The following CEP112 variants were observed in gnomAD, a reference collection of about 807,000 sequenced individuals.
The protein encoded by CEP112 is centrosomal protein 112, also known as centrosomal protein of 112 kDa.
A neutral mutation model predicts 153.0 loss-of-function variants in CEP112; 127 were observed. The ratio of observed to expected loss-of-function variants is 0.83; its 90% confidence interval spans 0.72 to 0.96. The LOEUF (loss-of-function observed/expected upper bound fraction) is 0.96, where lower values mean the gene tolerates loss of function less well. CEP112 is among the 40% of genes least tolerant of loss of function. The pLI is 0.00. For missense variants in CEP112, 1,089 were observed against 1,101.2 expected (o/e 0.99, Z 0.16); for synonymous variants, 358 against 374.4 (o/e 0.96, Z 0.51).
chr17:65,946,327 A>G (rs1303512013), intron 18 of CEP112, among the ~76,000 whole-genome samples: 1 of 152,190 alleles, frequency 6.6e-6, no homozygotes, highest in African/African-American at 2.4e-5. Flanking sequence ...TATATTTACA[A>G]TCCTTTTGGA....
At chr17:65,829,764 AAAAAG>A (rs1000611832) in intron 21 of CEP112, among the ~76,000 whole-genome samples, 1 of 152,236 alleles carries the variant, frequency 6.6e-6, no homozygotes, top group Admixed American at 6.5e-5. Context: ...CAGAAAACAA[AAAAAG>A]AAAAGGTACA....
intron 6 of CEP112, among the ~76,000 whole-genome samples, chr17:66,126,016 A>T (rs1360302038): frequency 6.6e-6 from 1 of 152,222 alleles, no homozygotes; most frequent in East Asian, 1.9e-4. Flanking sequence ...TCAGCAAGCT[A>T]ATTTTTCCCA....
chr17:65,928,553 G>A lies in CEP112; in HGVS notation c.1873-864C>T, dbSNP rs555243863. ...CAGTTGATAAATGAATAAACAAAAC[G>A]TGGTATATTCTTACAGTAGAATATT... On this transcript the variant is annotated intron_variant, in intron 18 of 26. Transcript: ENST00000535342. 7.2e-5 allele frequency among the ~76,000 whole-genome samples: 11 copies of A among 152,246 alleles called. No homozygotes were observed. In the East Asian group the frequency reaches 1.2e-3, roughly 16 times the overall value.
chr17:65,744,223 T>G (rs1012101689), intron 22 of CEP112, among the ~76,000 whole-genome samples: 1 of 147,046 alleles, frequency 6.8e-6, no homozygotes, highest in African/African-American at 2.5e-5. Flanking sequence ...ACTTTATGGG[T>G]TTTTTTGTGT....
intron 8 of CEP112, among the ~76,000 whole-genome samples, chr17:66,077,962 G>A (rs2067564933): frequency 6.6e-6 from 1 of 152,186 alleles, no homozygotes; most frequent in African/African-American, 2.4e-5. Flanking sequence ...ATGTCTAGAA[G>A]GGATTTTCCA....
At chr17:66,027,317 C>A (rs978832813) in intron 16 of CEP112, among the ~76,000 whole-genome samples, 184 bp downstream of exon 16, 1 of 151,932 alleles carries the variant, frequency 6.6e-6, no homozygotes, top group Non-Finnish European at 1.5e-5. Context: ...GCAGAAGCTA[C>A]AGTGAGCCGA....
chr17:66,176,881 A>G lies in CEP112; in HGVS notation c.246T>C (p.Pro82=). The change falls in exon 3 of 27, where the codon CCT becomes CCC. Residue 82 remains proline, a synonymous_variant. Coordinates refer to ENST00000535342, the MANE Select transcript of CEP112 (RefSeq NM_001199165.4). ...TCCCGGGTTCAGGTCGGTGTGTAAA[A>G]GGGCCTTCAAGCGCACCTCGTTTAA... is the stretch of plus-strand genomic sequence containing the variant. ...HMLKRGALEG[P]FTHRPEPGTL... 6.2e-7 allele frequency: 1 copy of G among 1,613,582 alleles called. No homozygotes were observed. The highest frequency in any genetic ancestry group is 8.5e-7 in the Non-Finnish European group (1 of 1,179,794).
chr17:65,675,007 T>A (rs990024512), intron 24 of CEP112, among the ~76,000 whole-genome samples: 1 of 152,124 alleles, frequency 6.6e-6, no homozygotes, highest in African/African-American at 2.4e-5. Flanking sequence ...AAGAACTAAG[T>A]AGAAAGTCTA....
chr17:65,797,942 C>T (rs143400517), intron 21 of CEP112, among the ~76,000 whole-genome samples: 13 of 152,224 alleles, frequency 8.5e-5, no homozygotes, highest in Admixed American at 6.5e-4. Flanking sequence ...AGGCTGCACA[C>T]GCATGCGAGG....
chr17:66,164,717 G>C (rs373793209), intron 4 of CEP112, among the ~76,000 whole-genome samples: 1 of 151,754 alleles, frequency 6.6e-6, no homozygotes, highest in Admixed American at 6.6e-5. Flanking sequence ...TTAGTTGGGC[G>C]TGGTGGCAGG....
rs115046509 is a variant in CEP112 at position 66,167,691 on chromosome 17, G to T, written c.470+7353C>A. ...CTGCATAAAGTACTTATGCCTATAT[G>T]ATACACTAGAAAGAACATGGGTGTG... On this transcript the variant is annotated intron_variant, in intron 4 of 26. Coordinates refer to ENST00000535342, the MANE Select transcript of CEP112 (RefSeq NM_001199165.4). Among the ~76,000 whole-genome samples, 140 of 152,288 alleles carry T rather than the reference G, an allele frequency of 9.2e-4. 1 individual carries two copies. The highest frequency in any genetic ancestry group is 3.2e-3 in the African/African-American group (134 of 41,564).
At chr17:65,820,050 T>C (rs894597156) in intron 21 of CEP112, among the ~76,000 whole-genome samples, 1 of 152,066 alleles carries the variant, frequency 6.6e-6, no homozygotes, top group African/African-American at 2.4e-5. Context: ...ATATGGCAAT[T>C]CCCTGTACTA....
Position 66,151,229 on chromosome 17 carries a change from T to C in CEP112, c.471-18466A>G, listed in dbSNP as rs540865220. On this transcript the variant is annotated intron_variant, in intron 4 of 26. Coordinates refer to ENST00000535342, the MANE Select transcript of CEP112 (RefSeq NM_001199165.4). ...TCTATTTAGTCTGTCATTTTGCTAT[T>C]GGTTTTGTCACAGCTCTTCTTTGCT... Among the ~76,000 whole-genome samples the C allele has an allele frequency of 9.2e-4, 140 of 152,352 alleles. 1 individual carries two copies. Among genetic ancestry groups the C allele is most frequent in the African/African-American group, 3.2e-3 (134 of 41,582 alleles).
chr17:65,913,933 T>C, intron 19 of CEP112: 1 of 931,956 alleles, frequency 1.1e-6, no homozygotes, highest in Non-Finnish European at 1.3e-6. Context: ...ATCCTGAGTT[T>C]TTAAAACTTT....
intron 23 of CEP112, among the ~76,000 whole-genome samples, chr17:65,734,603 C>T (rs1488331364): frequency 6.6e-6 from 1 of 152,006 alleles, no homozygotes; most frequent in Non-Finnish European, 1.5e-5. Flanking sequence ...AGACAACTAG[C>T]TATGTTTCAT....
intron 20 of CEP112, among the ~76,000 whole-genome samples, chr17:65,875,466 T>C (rs1409004704): frequency 6.6e-6 from 1 of 152,144 alleles, no homozygotes; most frequent in Non-Finnish European, 1.5e-5. Flanking sequence ...TGTTTTCAAC[T>C]CTGATGATCG....
intron 21 of CEP112, among the ~76,000 whole-genome samples, chr17:65,751,321 A>G (rs1168374360): frequency 6.6e-6 from 1 of 152,208 alleles, no homozygotes; most frequent in African/African-American, 2.4e-5. Flanking sequence ...CACATTGCTT[A>G]GAACTTGGTT....
intron 21 of CEP112, among the ~76,000 whole-genome samples, chr17:65,842,599 A>T (rs896345816): frequency 1.3e-5 from 2 of 152,156 alleles, no homozygotes; most frequent in Admixed American, 1.3e-4. Context: ...ATACTCAAGC[A>T]TTAATGATGA....
intron 8 of CEP112, among the ~76,000 whole-genome samples, chr17:66,091,166 A>G (rs1257160790): frequency 6.6e-6 from 1 of 152,132 alleles, no homozygotes; most frequent in African/African-American, 2.4e-5. Context: ...GATTTGGTCT[A>G]TTCTTTAGTG....
Sources: gnomAD v4.1 joint callset for allele counts (sites outside exome capture counted in the v4.1 genomes callset) on GRCh38, gnomAD v4.1.1 for gene constraint, MANE v1.5 for transcripts, NCBI Gene and HGNC (gene_info 2026-07-23, HGNC 2026-07-21) for gene names.